WNK1: variants seen among roughly 807,000 people sequenced by gnomAD.
WNK1 encodes WNK lysine deficient protein kinase 1.
A neutral mutation model predicts 222.8 loss-of-function variants in WNK1; 38 were observed. The ratio of observed to expected loss-of-function variants is 0.17; its 90% CI spans 0.13 to 0.22. The LOEUF is 0.22. Ranked by LOEUF, WNK1 falls within the 10% of genes least tolerant of loss-of-function variation. WNK1 has a pLI of 1.00. For synonymous variants in WNK1, 1,090 were observed against 1,092.9 expected (o/e 1.00, Z 0.05); for missense variants, 2,348 against 2,918.4 (o/e 0.80, Z 4.50).
Position 854,013 on chromosome 12 carries a change from A to G in WNK1, c.1312-3148A>G, listed in dbSNP as rs113788641. On this transcript the variant is annotated intron_variant, in intron 4 of 27. Coordinates refer to ENST00000315939, the MANE Select transcript of WNK1 (RefSeq NM_018979.4). ...CGATCCTCCTGCCTCAGCCTCCCAA[A>G]GTGCTGGGACTACAGCTTTGAGCCA... is the stretch of plus-strand genomic sequence containing the variant. 2.8e-3 allele frequency among the ~76,000 whole-genome samples: 421 copies of G among 151,844 alleles called. 1 individual carries two copies. The highest frequency in any genetic ancestry group is 9.6e-3 in the African/African-American group (399 of 41,452).
chr12:904,032 G>A (rs1302635448), intron 26 of WNK1, among the ~76,000 whole-genome samples: 1 of 152,222 alleles, frequency 6.6e-6, no homozygotes, highest in African/African-American at 2.4e-5. Context: ...TGGTGGGGTT[G>A]CTAATGCATT....
chr12:813,343 A>G (rs574299150), intron 1 of WNK1, among the ~76,000 whole-genome samples: 6 of 152,356 alleles, frequency 3.9e-5, no homozygotes, highest in East Asian at 1.9e-4. Flanking sequence ...TCCAAAGCCT[A>G]TGTTCATTTC....
At chr12:898,317 T>C (rs900162321) in intron 25 of WNK1, among the ~76,000 whole-genome samples, 7 of 151,948 alleles carry the variant, frequency 4.6e-5, no homozygotes, top group Admixed American at 6.6e-5. Flanking sequence ...ACCCTGTCTC[T>C]ACTAAAAATA....
At chr12:784,406 A>G (rs1311412292) in intron 1 of WNK1, among the ~76,000 whole-genome samples, 1 of 152,194 alleles carries the variant, frequency 6.6e-6, no homozygotes, top group Admixed American at 6.5e-5. Flanking sequence ...GATAAAAATT[A>G]TCAATAATGA....
chr12:883,017 T>C lies in WNK1; in HGVS notation c.3447T>C (p.Phe1149=). 1 of 1,613,732 alleles carries C rather than the reference T, an allele frequency of 6.2e-7. No individual in the cohort carries two copies. The highest frequency in any genetic ancestry group is 2.2e-5 in the East Asian group (1 of 44,838). ...ATAGGAAAATGGTTACATTCAAATTTGACCTAGATGGTGACAACCCCGAGG... is the reference window on the plus strand; with the variant it reads ...ATAGGAAAATGGTTACATTCAAATTCGACCTAGATGGTGACAACCCCGAGG... ...THNRKMVTFK[F]DLDGDNPEEI... is the part of the protein sequence containing the mutation. Residue 1149 remains phenylalanine (F), a synonymous_variant, in exon 15 of 28, where the codon TTT becomes TTC. Transcript: ENST00000315939.
intron 21 of WNK1, 37 bp downstream of exon 21, chr12:889,260 C>T (rs774941308): frequency 2.0e-6 from 3 of 1,535,794 alleles, no homozygotes; most frequent in South Asian, 2.2e-5. Context: ...CTCCTCATAA[C>T]CCTAATATAT....
chr12:883,187 A>G, intron 15 of WNK1, 128 bp downstream of exon 15: 1 of 973,470 alleles, frequency 1.0e-6, no homozygotes, highest in Non-Finnish European at 1.7e-6. Context: ...CAATGTGAAT[A>G]AAACTATCAC....
intron 7 of WNK1, 85 bp from the exon 8 acceptor site, chr12:861,998 G>C: frequency 6.7e-7 from 1 of 1,486,586 alleles, no homozygotes; most frequent in African/African-American, 1.4e-5. Flanking sequence ...TAATATAATG[G>C]GTCTAAATAT....
intron 1 of WNK1, among the ~76,000 whole-genome samples, chr12:803,789 A>G (rs1247054821): frequency 1.3e-5 from 2 of 152,196 alleles, no homozygotes; most frequent in Admixed American, 6.5e-5. Flanking sequence ...AGAAGTGACA[A>G]ATATCAGAGG....
chr12:797,117 TATTAA>T (rs1945387324), intron 1 of WNK1, among the ~76,000 whole-genome samples: 1 of 152,252 alleles, frequency 6.6e-6, no homozygotes, highest in Non-Finnish European at 1.5e-5. Flanking sequence ...TTTGCATTCC[TATTAA>T]ATTCATATTC....
chr12:758,552 T>C lies in WNK1; in HGVS notation c.759+4228T>C, dbSNP rs577747602. On this transcript the variant is annotated intron_variant, in intron 1 of 27. Transcript: ENST00000315939. Reference sequence around the variant, plus strand: ...ACAGGCGCCCGCCACCGTGCCCGGCTAATTTTTTGTATTTTTAGTAGAGAC... The same window carrying C: ...ACAGGCGCCCGCCACCGTGCCCGGCCAATTTTTTGTATTTTTAGTAGAGAC... 9.3e-4 allele frequency among the ~76,000 whole-genome samples: 134 copies of C among 144,710 alleles called. 4 individuals are homozygous for C. The highest frequency in any genetic ancestry group is 7.7e-3 in the East Asian group (39 of 5,064). The allele number at this position is 144,710 out of a possible 152,430, so 94.9% of individuals were successfully genotyped here.
Position 753,495 on chromosome 12 carries a change from G to T in WNK1, c.-71G>T. 1 of 1,599,766 alleles carries T rather than the reference G, an allele frequency of 6.3e-7. No individual in the cohort carries two copies. Among genetic ancestry groups the T allele is most frequent in the South Asian group, 1.1e-5 (1 of 89,484 alleles). On this transcript the variant is annotated 5_prime_UTR_variant, in exon 1 of 28. Transcript: ENST00000315939. The surrounding 1 kb of genome is among the most constrained non-coding windows in gnomAD (Gnocchi z 5.2). The stretch of plus-strand genomic sequence containing the variant: ...GCGGTTCCCTGCAGACCTCTGCGCG[G>T]GCGGCTCGGCCCTTCACGCCCTTTT...
At chr12:788,122 T>G (rs929130926) in intron 1 of WNK1, among the ~76,000 whole-genome samples, 6 of 152,196 alleles carry the variant, frequency 3.9e-5, no homozygotes, top group Non-Finnish European at 5.9e-5. Flanking sequence ...CCCAACCACA[T>G]AATTGAGGGT....
At chr12:868,904 G>C in intron 8 of WNK1, 1 of 1,600,392 alleles carries the variant, frequency 6.2e-7, no homozygotes, top group Non-Finnish European at 8.5e-7. Flanking sequence ...CACTTCTTCA[G>C]ACCCCAGTGA....
chr12:874,783 G>A (rs1396720724), intron 9 of WNK1, among the ~76,000 whole-genome samples: 2 of 152,064 alleles, frequency 1.3e-5, no homozygotes, highest in South Asian at 4.1e-4. Flanking sequence ...ATCTGGAGAA[G>A]GTGAGTAGTT....
At chr12:898,920 T>C (rs1436548564) in intron 25 of WNK1, among the ~76,000 whole-genome samples, 6 of 152,218 alleles carry the variant, frequency 3.9e-5, no homozygotes, top group Middle Eastern at 3.4e-3. Context: ...TTTGTATTTT[T>C]AGTAGAGATG....
Position 886,050 on chromosome 12 carries a change from C to T in WNK1, c.5246C>T (p.Thr1749Ile), listed in dbSNP as rs779203190. The part of the protein sequence containing the change: ...STTTSGVKPG[T>I]APSKPPLTKA... ...ACTACATCAGGAGTGAAACCTGGAACTGCTCCCTCCAAGCCACCTCTAACT... is the reference window on the plus strand; with the variant it reads ...ACTACATCAGGAGTGAAACCTGGAATTGCTCCCTCCAAGCCACCTCTAACT... The change falls in exon 19 of 28, where the codon ACT becomes ATT. Residue 1749 changes from threonine (T) to isoleucine (I), a missense_variant. Around this residue, in one of 13 missense-constraint regions of WNK1, gnomAD observed 1,144 missense variants for 1,273.6 expected, o/e 0.90. Coordinates refer to ENST00000315939, the MANE Select transcript of WNK1 (RefSeq NM_018979.4). The T allele has an allele frequency of 1.2e-6, 2 of 1,605,770 alleles. No homozygotes were observed. The highest frequency in any genetic ancestry group is 1.7e-6 in the Non-Finnish European group (2 of 1,177,668).
In WNK1 at chr12:753,537, C is replaced by G; in HGVS notation, c.-29C>G. 1 of 1,611,096 alleles carries G rather than the reference C, an allele frequency of 6.2e-7. No homozygotes were observed. Among genetic ancestry groups the G allele is most frequent in the Non-Finnish European group, 8.5e-7 (1 of 1,179,704 alleles). ...CGCCCTTTTCGTTCACGAATCCGAG[C>G]CCGCTCGCCTCTCTCCAGCGAACCG... On this transcript the variant is annotated 5_prime_UTR_variant, in exon 1 of 28. Coordinates refer to ENST00000315939, the MANE Select transcript of WNK1 (RefSeq NM_018979.4). This position sits in a 1 kb window ranked among gnomAD's most constrained non-coding sequence, Gnocchi z 5.2.
intron 1 of WNK1, among the ~76,000 whole-genome samples, chr12:767,072 C>G (rs768791138): frequency 6.6e-6 from 1 of 151,490 alleles, no homozygotes; most frequent in Non-Finnish European, 1.5e-5. Context: ...CCACCGTGCC[C>G]GGCCCTAGAT....
Sources: gnomAD v4.1 joint callset for allele counts (sites outside exome capture counted in the v4.1 genomes callset) on GRCh38, gnomAD v4.1.1 for gene constraint, gnomAD v4.1.1 regional missense constraint, Gnocchi (gnomAD v3.1) non-coding constraint, MANE v1.5 for transcripts, NCBI Gene and HGNC (gene_info 2026-07-23, HGNC 2026-07-21) for gene names.